Variants in MGAT4C observed in about 807,000 individuals in gnomAD.
MGAT4C encodes alpha-1,3-mannosyl-glycoprotein 4-beta-N-acetylglucosaminyltransferase C.
Under a neutral mutation model 40.1 loss-of-function variants are expected in MGAT4C, and 19 were observed. That is an observed-to-expected ratio of 0.47 (90% confidence interval 0.33 to 0.70). The LOEUF is 0.70. Among genes scored for constraint, MGAT4C ranks in the 30% least tolerant of loss-of-function variants. The probability of loss-of-function intolerance (pLI) is 0.02; values close to 1 mark genes in which losing one functional copy is unlikely to be tolerated. For missense variants in MGAT4C, 491 were observed against 563.2 expected, an observed-to-expected ratio of 0.87 and a Z score of 1.30; for synonymous variants, 181 against 187.1, an observed-to-expected ratio of 0.97 and a Z score of 0.27.
intron 2 of MGAT4C, chr12:86,599,631 G>C (rs917868547): frequency 6.6e-6 from 1 of 152,060 alleles, no homozygotes; most frequent in Non-Finnish European, 1.5e-5. Context: ...TCACAGCAGG[G>C]TGGTGGGGTG....
chr12:86,331,513 A>T (rs139027572), intron 4 of MGAT4C, among the ~76,000 whole-genome samples: 283 of 152,216 alleles, frequency 1.9e-3, no homozygotes, highest in African/African-American at 6.6e-3. Flanking sequence ...TGCATTCTTG[A>T]GCACACTTAC....
chr12:86,383,145 C>A (rs1345550411), intron 3 of MGAT4C, among the ~76,000 whole-genome samples: 36 of 152,176 alleles, frequency 2.4e-4, no homozygotes. Flanking sequence ...GGGTTATACT[C>A]TGCAAAGCCA....
intron 2 of MGAT4C, among the ~76,000 whole-genome samples, chr12:86,627,230 G>C (rs142348942): frequency 1.3e-5 from 2 of 152,130 alleles, no homozygotes; most frequent in Non-Finnish European, 2.9e-5. Flanking sequence ...TCTTGAACTC[G>C]GTGGAGCCCA....
intron 1 of MGAT4C, among the ~76,000 whole-genome samples, chr12:86,816,660 A>T (rs1482840523): frequency 1.3e-5 from 2 of 151,720 alleles, no homozygotes; most frequent in Admixed American, 6.6e-5. Context: ...GCCACTAAAA[A>T]TTTTTTTAGA....
intron 2 of MGAT4C, among the ~76,000 whole-genome samples, chr12:86,543,624 A>G (rs1476441709): frequency 6.6e-6 from 1 of 152,154 alleles, no homozygotes; most frequent in Non-Finnish European, 1.5e-5. Context: ...ATTTTTCAGA[A>G]TAGAAAACTT....
At chr12:85,997,814 G>A (rs1030361625) in intron 2 of MGAT4C, among the ~76,000 whole-genome samples, 6 of 152,192 alleles carry the variant, frequency 3.9e-5, no homozygotes, top group African/African-American at 1.2e-4. Context: ...AGCATAAAGT[G>A]TTTGTGGCTT....
chr12:86,378,094 C>T (rs1054148551), intron 3 of MGAT4C, among the ~76,000 whole-genome samples: 2 of 152,022 alleles, frequency 1.3e-5, no homozygotes, highest in Non-Finnish European at 2.9e-5. Context: ...CCACATTTAT[C>T]CACTCATCTG....
chr12:86,439,768 C>T (rs1468913899), intron 2 of MGAT4C, among the ~76,000 whole-genome samples: 1 of 151,816 alleles, frequency 6.6e-6, no homozygotes, highest in African/African-American at 2.4e-5. Context: ...TTCAAATAAA[C>T]TCAATTAGAA....
At chr12:86,057,562 C>G (rs575563930) in intron 1 of MGAT4C, among the ~76,000 whole-genome samples, 1 of 152,258 alleles carries the variant, frequency 6.6e-6, no homozygotes, top group South Asian at 2.1e-4. Context: ...CTAGACAATA[C>G]TTTGATTAAC....
intron 4 of MGAT4C, among the ~76,000 whole-genome samples, chr12:86,261,492 T>C (rs563476308): frequency 1.8e-4 from 27 of 152,224 alleles, no homozygotes; most frequent in African/African-American, 6.5e-4. Flanking sequence ...GTTCCTCATT[T>C]GAATTAGTAA....
At chr12:86,232,162 G>T (rs545925724) in intron 1 of MGAT4C, among the ~76,000 whole-genome samples, 1 of 148,770 alleles carries the variant, frequency 6.7e-6, no homozygotes, top group South Asian at 2.2e-4. Flanking sequence ...GGAGGGGGGC[G>T]GGTTGGGGGG....
chr12:86,536,289 G>A (rs1170543267), intron 2 of MGAT4C, among the ~76,000 whole-genome samples: 2 of 152,036 alleles, frequency 1.3e-5, no homozygotes, highest in East Asian at 3.9e-4. Context: ...GAATTCCACA[G>A]TTCATAAAGG....
intron 1 of MGAT4C, among the ~76,000 whole-genome samples, chr12:86,064,345 A>C (rs915282302): frequency 2.0e-5 from 3 of 152,170 alleles, no homozygotes; most frequent in African/African-American, 7.2e-5. Context: ...ACGCCACTGC[A>C]CTCCAGCCTG....
In MGAT4C at chr12:85,957,286, A is replaced by C. The variant is rs1882844355; in HGVS notation, c.*22003T>G. On this transcript the variant is annotated 3_prime_UTR_variant, in exon 5 of 5. Transcript: ENST00000611864. ...ATATTATTTGTGAAAGACCAAGGCC[A>C]AGGATCTTGCCCCTCATTCTATAAT... 1 of 152,194 alleles carries C rather than the reference A, an allele frequency of 6.6e-6. No individual in the cohort carries two copies. Among genetic ancestry groups the C allele is most frequent in the South Asian group, 2.1e-4 (1 of 4,832 alleles). 9.4% of individuals were successfully genotyped at this position (152,194 alleles called of 1,614,324 possible).
In MGAT4C at chr12:86,463,859, T is replaced by C. The variant is rs138304774; in HGVS notation, c.-228-28594A>G. On this transcript the variant is annotated intron_variant, in intron 2 of 7. Transcript: ENST00000548651. ...CTGGGGATATTGTCTAAAATAGTGA[T>C]AGGTGAAAAAGAACGCAAAACTTAA... Among the ~76,000 whole-genome samples the C allele has an allele frequency of 4.2e-3, 643 of 152,282 alleles. 4 individuals carry two copies. The highest frequency in any genetic ancestry group is 0.015 in the African/African-American group (621 of 41,566).
At chr12:86,122,717 A>G (rs535849893) in intron 1 of MGAT4C, among the ~76,000 whole-genome samples, 2 of 152,302 alleles carry the variant, frequency 1.3e-5, no homozygotes, top group African/African-American at 2.4e-5. Context: ...AGAGGGATCA[A>G]CAAAACAATA....
chr12:86,042,327 A>G (rs546360693), intron 2 of MGAT4C, among the ~76,000 whole-genome samples: 26 of 152,134 alleles, frequency 1.7e-4, no homozygotes, highest in Non-Finnish European at 3.4e-4. Flanking sequence ...TAATACTGAT[A>G]TGTGTGGATT....
At chr12:86,067,504 C>T (rs1178593918) in intron 1 of MGAT4C, among the ~76,000 whole-genome samples, 1 of 149,310 alleles carries the variant, frequency 6.7e-6, no homozygotes, top group Non-Finnish European at 1.5e-5. Flanking sequence ...AGGAGCTGAA[C>T]GATGAGAACA....
chr12:86,143,354 T>A (rs1169141836), intron 1 of MGAT4C, among the ~76,000 whole-genome samples: 1 of 152,196 alleles, frequency 6.6e-6, no homozygotes, highest in Non-Finnish European at 1.5e-5. Context: ...AAATTTTCCC[T>A]GGACAAAACC....
Sources: allele counts gnomAD v4.1 joint callset (sites outside exome capture counted in the v4.1 genomes callset), GRCh38; gene constraint gnomAD v4.1.1; transcripts MANE v1.5; gene names NCBI Gene and HGNC (gene_info 2026-07-23, HGNC 2026-07-21).